The following TAF2 variants were observed in gnomAD, a reference collection of about 807,000 sequenced individuals.
TAF2 encodes transcription initiation factor TFIID subunit 2.
In TAF2, 61 loss-of-function variants were observed where a neutral mutation model predicts 138.5. That is an observed-to-expected ratio of 0.44 (90% confidence interval 0.36 to 0.54). The LOEUF (loss-of-function observed/expected upper bound fraction) is 0.54, where lower values mean the gene tolerates loss of function less well. Ranked by LOEUF, TAF2 falls within the 20% of genes least tolerant of loss-of-function variation. The pLI is 0.00. For missense variants in TAF2, 1,090 were observed against 1,427.9 expected (o/e 0.76, Z 3.81); for synonymous variants, 475 against 469.9 (o/e 1.01, Z -0.14).
intron 2 of TAF2, among the ~76,000 whole-genome samples, chr8:119,828,612 G>T (rs954388261): frequency 2.0e-5 from 3 of 152,174 alleles, no homozygotes; most frequent in African/African-American, 7.2e-5. Context: ...AGGAAACACC[G>T]AAGGGGTGAA....
At chr8:119,788,228 A>G (rs1014761960) in intron 14 of TAF2, 110 bp downstream of exon 14, 4 of 908,334 alleles carry the variant, frequency 4.4e-6, no homozygotes, top group Non-Finnish European at 7.1e-6. Context: ...CCCACAACTT[A>G]AAGTATAATT....
intron 25 of TAF2, 93 bp downstream of exon 25, chr8:119,742,441 T>C: frequency 2.0e-6 from 3 of 1,506,220 alleles, no homozygotes; most frequent in Non-Finnish European, 2.7e-6. Flanking sequence ...TCTGTATTTT[T>C]AAAGGGTTTT....
chr8:119,762,990 A>G (rs1304507678), intron 18 of TAF2: 1 of 182,246 alleles, frequency 5.5e-6, no homozygotes, highest in Non-Finnish European at 1.2e-5. Flanking sequence ...GGTGACCTGG[A>G]TATGGCTTGA....
chr8:119,743,697 C>T (rs1254198707), intron 24 of TAF2, among the ~76,000 whole-genome samples: 7 of 151,966 alleles, frequency 4.6e-5, no homozygotes, highest in Admixed American at 2.0e-4. Flanking sequence ...TAATACATTT[C>T]GGGAAATTTA....
chr8:119,748,987 C>A (rs1258501470), intron 22 of TAF2, among the ~76,000 whole-genome samples: 1 of 151,736 alleles, frequency 6.6e-6, no homozygotes, highest in Non-Finnish European at 1.5e-5. Flanking sequence ...AAAACTAAAC[C>A]CTGAAGATCA....
rs115078048 is a variant in TAF2, at chr8:119,744,191, G to T, written c.3214+97C>A. On this transcript the variant is annotated intron_variant, in intron 24 of 25. Transcript: ENST00000378164. The stretch of plus-strand genomic sequence containing the variant: ...ATTTTAAGCTGGCTAATTTTAAACT[G>T]TATAGTTGTTCATTTGAAAATAAAG... 2,364 of 1,148,506 alleles carry T rather than the reference G, an allele frequency of 2.1e-3. 33 individuals are homozygous for T. In the African/African-American group the frequency reaches 0.032, roughly 16 times the overall value. 71.1% of individuals were successfully genotyped at this position (1,148,506 alleles called of 1,614,324 possible).
At chr8:119,796,483 T>C (rs1283031584) in intron 8 of TAF2, among the ~76,000 whole-genome samples, 1 of 152,140 alleles carries the variant, frequency 6.6e-6, no homozygotes, top group Non-Finnish European at 1.5e-5. Context: ...TGAGCACTAG[T>C]AGGCAAATCC....
chr8:119,831,766 A>C (rs1336509810), intron 1 of TAF2, 35 bp from the exon 2 acceptor site: 6 of 1,367,200 alleles, frequency 4.4e-6, no homozygotes, highest in Non-Finnish European at 6.0e-6. Context: ...AATAAGGAAA[A>C]AATAATTTTT....
intron 22 of TAF2, among the ~76,000 whole-genome samples, chr8:119,749,981 T>C (rs978145199): frequency 1.3e-5 from 2 of 152,210 alleles, no homozygotes; most frequent in Non-Finnish European, 2.9e-5. Context: ...AAACCCAGTA[T>C]TAATGTTGTC....
At chr8:119,802,900 G>A (rs1174832358) in intron 5 of TAF2, among the ~76,000 whole-genome samples, 1 of 151,940 alleles carries the variant, frequency 6.6e-6, no homozygotes, top group Non-Finnish European at 1.5e-5. Context: ...CACTCCAGCT[G>A]GTGCAACAGG....
chr8:119,804,575 T>C (rs1824487889), intron 4 of TAF2, among the ~76,000 whole-genome samples: 1 of 152,170 alleles, frequency 6.6e-6, no homozygotes, highest in African/African-American at 2.4e-5. Context: ...AAGCTCTCTC[T>C]CTCTCTTTTT....
At chr8:119,765,248 G>T (rs1447461785) in intron 18 of TAF2, among the ~76,000 whole-genome samples, 1 of 152,086 alleles carries the variant, frequency 6.6e-6, no homozygotes, top group Admixed American at 6.6e-5. Context: ...GAGACACAGA[G>T]ATAAGATGAC....
intron 18 of TAF2, among the ~76,000 whole-genome samples, chr8:119,776,747 T>C (rs1822275183): frequency 6.6e-6 from 1 of 152,204 alleles, no homozygotes; most frequent in Admixed American, 6.5e-5. Context: ...TTGTATGTGC[T>C]GTTCCTTCTG....
intron 20 of TAF2, among the ~76,000 whole-genome samples, chr8:119,759,855 T>C (rs1015633562): frequency 6.6e-6 from 1 of 152,192 alleles, no homozygotes; most frequent in Non-Finnish European, 1.5e-5. Context: ...AAAAATGACA[T>C]AGCCATTTGT....
At chr8:119,782,810 G>A (rs1053042117) in intron 16 of TAF2, among the ~76,000 whole-genome samples, 1 of 151,882 alleles carries the variant, frequency 6.6e-6, no homozygotes, top group Non-Finnish European at 1.5e-5. Flanking sequence ...TCAAATCAAC[G>A]TGAATAATTA....
Position 119,789,606 on chromosome 8 carries a change from T to G in TAF2, c.1554A>C (p.Leu518Phe). The change falls in exon 12 of 26, where the codon TTA (leucine) becomes TTC (phenylalanine). Residue 518 changes from leucine to phenylalanine, a missense_variant. This residue lies in a region of TAF2 where 504 missense variants were observed against 680.9 expected (regional missense o/e 0.74). Coordinates refer to ENST00000378164, the MANE Select transcript of TAF2 (RefSeq NM_003184.4). ...SNVSGKDIQP[L>F]IKQWVDQSGV... ...GAAAAGGATACACCCACTGCTTTAT[T>G]AACGGCTGAATATCTTTGCCAGAGA... 2 of 1,613,690 alleles carry G rather than the reference T, an allele frequency of 1.2e-6. No homozygotes were observed. The highest frequency in any genetic ancestry group is 1.7e-6 in the Non-Finnish European group (2 of 1,179,914).
At chr8:119,798,676 G>A (rs1178097763) in intron 6 of TAF2, among the ~76,000 whole-genome samples, 1 of 152,004 alleles carries the variant, frequency 6.6e-6, no homozygotes, top group Non-Finnish European at 1.5e-5. Flanking sequence ...CATCTATTAC[G>A]GTCAAATTAT....
intron 18 of TAF2, 100 bp downstream of exon 18, chr8:119,777,915 ATATT>A: frequency 3.1e-6 from 2 of 655,536 alleles, no homozygotes. Context: ...TATAGACTAA[ATATT>A]TATTTAGAAA....
At chr8:119,810,659 A>G (rs1477392365) in intron 3 of TAF2, among the ~76,000 whole-genome samples, 1 of 152,212 alleles carries the variant, frequency 6.6e-6, no homozygotes, top group Non-Finnish European at 1.5e-5. Flanking sequence ...TACTTAACAC[A>G]CCATCTAATT....
Sources: allele counts gnomAD v4.1 joint callset (sites outside exome capture counted in the v4.1 genomes callset), GRCh38; gene constraint gnomAD v4.1.1; regional missense constraint gnomAD v4.1.1; transcripts MANE v1.5; gene names NCBI Gene and HGNC (gene_info 2026-07-23, HGNC 2026-07-21).